SNTG1: variants seen among roughly 807,000 people sequenced by gnomAD.
SNTG1 encodes the protein syntrophin gamma 1.
A neutral mutation model predicts 74.7 loss-of-function variants in SNTG1; 39 were observed. The ratio of observed to expected loss-of-function variants is 0.52; its 90% CI spans 0.40 to 0.68. The LOEUF (loss-of-function observed/expected upper bound fraction) is 0.68. Ranked by LOEUF, SNTG1 falls within the 30% of genes least tolerant of loss-of-function variation. The pLI is 0.00. For missense variants in SNTG1, 685 were observed against 609.5 expected, an observed-to-expected ratio of 1.12 and a Z score of -1.30; for synonymous variants, 254 against 217.1, an observed-to-expected ratio of 1.17 and a Z score of -1.49.
chr8:50,114,148 A>G (rs980032614), intron 1 of SNTG1, among the ~76,000 whole-genome samples: 3 of 152,158 alleles, frequency 2.0e-5, no homozygotes, highest in African/African-American at 7.2e-5. Context: ...AGAGACACTC[A>G]TTTACTTTGA....
At chr8:49,952,903 T>G (rs1237258163) in intron 1 of SNTG1, among the ~76,000 whole-genome samples, 1 of 152,186 alleles carries the variant, frequency 6.6e-6, no homozygotes, top group East Asian at 1.9e-4. Context: ...GGAAATAACT[T>G]GAGATAGAAC....
At chr8:50,571,463 A>G (rs1393073522) in intron 12 of SNTG1, among the ~76,000 whole-genome samples, 1 of 152,220 alleles carries the variant, frequency 6.6e-6, no homozygotes, top group East Asian at 1.9e-4. Context: ...TGGATTTGGG[A>G]GTGCAGTGAT....
At chr8:50,634,822 T>C (rs1420576330) in intron 13 of SNTG1, among the ~76,000 whole-genome samples, 2 of 152,192 alleles carry the variant, frequency 1.3e-5, no homozygotes, top group Non-Finnish European at 2.9e-5. Context: ...TGTTGCCTTG[T>C]ATAAACATCC....
At chr8:50,356,551 CCAAGAT>C (rs1399916632) in intron 2 of SNTG1, among the ~76,000 whole-genome samples, 2 of 152,166 alleles carry the variant, frequency 1.3e-5, no homozygotes, top group East Asian at 3.9e-4. Flanking sequence ...TCTGGGAAGC[CCAAGAT>C]CAAGATGCCG....
chr8:50,594,069 A>G (rs1339093008), intron 13 of SNTG1, among the ~76,000 whole-genome samples: 2 of 152,196 alleles, frequency 1.3e-5, no homozygotes, highest in East Asian at 3.9e-4. Context: ...TTGCCCTGGT[A>G]ACTTTCTGTT....
At chr8:50,005,914 A>G (rs1360711895) in intron 1 of SNTG1, among the ~76,000 whole-genome samples, 1 of 89,736 alleles carries the variant, frequency 1.1e-5, no homozygotes, top group Non-Finnish European at 2.3e-5. Flanking sequence ...AGCTTGCTGT[A>G]TTTATTTCTG....
At chr8:50,240,016 G>T in intron 2 of SNTG1, among the ~76,000 whole-genome samples, 1 of 152,156 alleles carries the variant, frequency 6.6e-6, no homozygotes, top group East Asian at 1.9e-4. Flanking sequence ...TTTGACTGCT[G>T]CAATGGGCAG....
intron 2 of SNTG1, among the ~76,000 whole-genome samples, chr8:50,361,101 T>G (rs1446503525): frequency 6.6e-6 from 1 of 152,244 alleles, no homozygotes; most frequent in East Asian, 1.9e-4. Context: ...ATCCTTGTTC[T>G]ATAAGCTTTT....
chr8:50,053,600 T>C (rs1018534154), intron 1 of SNTG1, among the ~76,000 whole-genome samples: 1 of 149,424 alleles, frequency 6.7e-6, no homozygotes, highest in Non-Finnish European at 1.5e-5. Context: ...ATTATAAATA[T>C]GCATATATAT....
At chr8:50,672,696 T>A (rs1011814442) in intron 15 of SNTG1, among the ~76,000 whole-genome samples, 2 of 152,216 alleles carry the variant, frequency 1.3e-5, no homozygotes, top group East Asian at 3.8e-4. Context: ...TTTAATTAGA[T>A]CTCATTTATC....
chr8:50,150,147 T>C (rs2082015286), intron 1 of SNTG1, among the ~76,000 whole-genome samples: 1 of 152,174 alleles, frequency 6.6e-6, no homozygotes, highest in Admixed American at 6.5e-5. Flanking sequence ...TTTATTCTCT[T>C]TGAAGCAATT....
chr8:50,772,684 T>G (rs1436868926), intron 18 of SNTG1, among the ~76,000 whole-genome samples: 3 of 152,092 alleles, frequency 2.0e-5, no homozygotes, highest in Non-Finnish European at 4.4e-5. Flanking sequence ...GGTTTGTTCC[T>G]CTGAAACTCA....
Position 50,656,817 on chromosome 8 carries a change from A to C in SNTG1, c.850-92A>C, listed in dbSNP as rs2095184743. The C allele has an allele frequency of 5.9e-6, 5 of 847,200 alleles. No homozygotes were observed. In the Middle Eastern group the frequency reaches 1.1e-3, roughly 184 times the overall value. The allele number at this position is 847,200 out of a possible 1,614,324, so 52.5% of individuals were successfully genotyped here. Reference sequence around the variant, plus strand: ...TTAATACTACATGAAAAATACCTAAAATATTTTTAATATTTGCATCTAAAT... The same window carrying C: ...TTAATACTACATGAAAAATACCTAACATATTTTTAATATTTGCATCTAAAT... On this transcript the variant is annotated intron_variant, in intron 13 of 18. Coordinates refer to ENST00000642720, the MANE Select transcript of SNTG1 (RefSeq NM_018967.5).
intron 13 of SNTG1, among the ~76,000 whole-genome samples, chr8:50,652,041 C>T (rs2095150329): frequency 6.6e-6 from 1 of 152,184 alleles, no homozygotes; most frequent in Admixed American, 6.5e-5. Flanking sequence ...TGAGCCACCA[C>T]AACCGGCCTT....
chr8:50,029,839 AT>A (rs1396676248), intron 1 of SNTG1, among the ~76,000 whole-genome samples: 1 of 151,850 alleles, frequency 6.6e-6, no homozygotes, highest in Non-Finnish European at 1.5e-5. Context: ...TGATATGCTG[AT>A]TTTTTTCTTT....
At chr8:50,690,571 T>C (rs2095373440) in intron 15 of SNTG1, among the ~76,000 whole-genome samples, 1 of 152,246 alleles carries the variant, frequency 6.6e-6, no homozygotes, top group Admixed American at 6.5e-5. Context: ...AGTGAGTTTC[T>C]TAATCCTGAG....
chr8:50,777,276 A>C (rs930636026), intron 18 of SNTG1, among the ~76,000 whole-genome samples: 1 of 148,220 alleles, frequency 6.7e-6, no homozygotes, highest in African/African-American at 2.4e-5. Flanking sequence ...TTTTAGTCTC[A>C]CAGTTCACTG....
At chr8:50,501,429 T>TG in intron 8 of SNTG1, among the ~76,000 whole-genome samples, 1 of 92,512 alleles carries the variant, frequency 1.1e-5, no homozygotes, top group Non-Finnish European at 2.1e-5. Flanking sequence ...CTGTGCGTTT[T>TG]TTTTTTTTTT....
chr8:50,252,500 T>A (rs1431504849), intron 2 of SNTG1, among the ~76,000 whole-genome samples: 1 of 152,008 alleles, frequency 6.6e-6, no homozygotes, highest in African/African-American at 2.4e-5. Flanking sequence ...CCCAAATAAA[T>A]AAAATCAGAG....
Sources: gnomAD v4.1 joint callset for allele counts (sites outside exome capture counted in the v4.1 genomes callset) on GRCh38, gnomAD v4.1.1 for gene constraint, MANE v1.5 for transcripts, NCBI Gene and HGNC (gene_info 2026-07-23, HGNC 2026-07-21) for gene names.